Variants in NAT1 observed in about 807,000 individuals in gnomAD.
The protein encoded by NAT1 is arylamine N-acetyltransferase 1.
For missense variants in NAT1, 400 were observed against 339.2 expected (o/e 1.18, Z -1.41); for synonymous variants, 144 against 122.6 (o/e 1.17, Z -1.16).
intron 2 of NAT1, among the ~76,000 whole-genome samples, chr8:18,186,945 T>C (rs1802761885): frequency 6.6e-6 from 1 of 152,110 alleles, no homozygotes; most frequent in Non-Finnish European, 1.5e-5. Context: ...AAGGGGCCCC[T>C]GGCTAGAGGT....
intron 2 of NAT1, among the ~76,000 whole-genome samples, chr8:18,170,973 G>C (rs905505850): frequency 6.6e-6 from 1 of 152,028 alleles, no homozygotes; most frequent in Non-Finnish European, 1.5e-5. Flanking sequence ...TTAAGTTAGA[G>C]TCTGAACAGG....
At chr8:18,198,742 ATCAC>A (rs1803339945) in intron 2 of NAT1, among the ~76,000 whole-genome samples, 1 of 152,192 alleles carries the variant, frequency 6.6e-6, no homozygotes, top group Non-Finnish European at 1.5e-5. Context: ...TAGCATATCC[ATCAC>A]CTCACATGGT....
At chr8:18,197,285 C>G (rs531427757) in intron 2 of NAT1, among the ~76,000 whole-genome samples, 3 of 152,042 alleles carry the variant, frequency 2.0e-5, no homozygotes, top group African/African-American at 7.3e-5. Flanking sequence ...TTTTGTGACA[C>G]AGATTTTTTT....
At chr8:18,178,707 G>A (rs1802387481) in intron 2 of NAT1, among the ~76,000 whole-genome samples, 1 of 152,116 alleles carries the variant, frequency 6.6e-6, no homozygotes, top group Admixed American at 6.6e-5. Context: ...ATATTCCTTT[G>A]AGAGAGGAAG....
intron 1 of NAT1, among the ~76,000 whole-genome samples, chr8:18,217,342 A>G (rs905473585): frequency 2.6e-5 from 4 of 152,206 alleles, no homozygotes; most frequent in African/African-American, 9.6e-5. Flanking sequence ...TATGCCCCAA[A>G]TACTTAACTT....
chr8:18,175,953 T>C (rs10094013), intron 2 of NAT1, among the ~76,000 whole-genome samples: 54,913 of 151,982 alleles, frequency 0.36, 10,304 homozygotes, highest in South Asian at 0.57. Flanking sequence ...ATTTCCCTGA[T>C]GATTAAAGAT....
intron 2 of NAT1, among the ~76,000 whole-genome samples, chr8:18,187,439 A>C (rs1802785494): frequency 6.6e-6 from 1 of 152,222 alleles, no homozygotes; most frequent in Non-Finnish European, 1.5e-5. Flanking sequence ...AAAGACATGG[A>C]ATTAACCTAA....
chr8:18,172,872 G>A (rs573056716), intron 2 of NAT1, among the ~76,000 whole-genome samples: 1 of 152,180 alleles, frequency 6.6e-6, no homozygotes, highest in African/African-American at 2.4e-5. Flanking sequence ...GATGCTTCAA[G>A]GTCACCTGCC....
Position 18,222,466 on chromosome 8 carries a change from G to C in NAT1, c.419G>C (p.Gly140Ala). The change falls in exon 3 of 3, where the codon GGG becomes GCG. Residue 140 changes from glycine (G) to alanine (A), a missense_variant. By Grantham distance (60) the Gly-to-Ala change is moderately conservative (BLOSUM62 0). Transcript: ENST00000307719. The part of the protein sequence containing the change: ...QMWQPLELIS[G>A]KDQPQVPCVF... ...TGGCAGCCTCTGGAGTTAATTTCTG[G>C]GAAGGATCAGCCTCAGGTGCCTTGT... 6.2e-7 allele frequency: 1 copy of C among 1,614,016 alleles called. No individual in the cohort carries two copies. The highest frequency in any genetic ancestry group is 8.5e-7 in the Non-Finnish European group (1 of 1,180,002).
chr8:18,201,153 C>A (rs1803445614), intron 2 of NAT1: 1 of 152,018 alleles, frequency 6.6e-6, no homozygotes, highest in Non-Finnish European at 1.5e-5. Context: ...AATTATTATT[C>A]CTGCTAGAGA....
chr8:18,195,173 C>T (rs1418404492), intron 2 of NAT1, among the ~76,000 whole-genome samples: 2 of 152,206 alleles, frequency 1.3e-5, no homozygotes, highest in Non-Finnish European at 2.9e-5. Flanking sequence ...CACATGGCTT[C>T]AAATCATGCT....
intron 2 of NAT1, among the ~76,000 whole-genome samples, chr8:18,202,996 C>T (rs1803542119): frequency 1.3e-5 from 2 of 152,102 alleles, no homozygotes. Flanking sequence ...GTTTACAATC[C>T]TTTAGCTAGA....
At position 18,193,631 on chromosome 8, in the gene NAT1, C is replaced by CTTTTT. The variant is rs796247875; in HGVS notation, n.93-16131_93-16127dup. Among the ~76,000 whole-genome samples the CTTTTT allele has an allele frequency of 1.1e-3, 62 of 57,562 alleles. 2 individuals carry two copies. Among genetic ancestry groups the CTTTTT allele is most frequent in the African/African-American group, 1.3e-3 (18 of 13,782 alleles). The allele number at this position is 57,562 out of a possible 152,430, so 37.8% of individuals were successfully genotyped here. On this transcript the variant is annotated intron_variant and non_coding_transcript_variant, in intron 2 of 4. Coordinates refer to the NAT1 transcript ENST00000517441. ...TGTAATAATGCTACCTGTAAACCTG[C>CTTTTT]TTTTTTTTTTTTTTTTTTTTTTTCG...
rs1401047209 is a variant in NAT1 at position 18,222,501 on chromosome 8, T to C, written c.454T>C (p.Leu152=). The part of the protein sequence containing the change: ...DQPQVPCVFR[L]TEENGFWYLD... ...GCCTCAGGTGCCTTGTGTCTTCCGT[T>C]TGACGGAAGAGAATGGATTCTGGTA... The change falls in exon 3 of 3, where the codon TTG becomes CTG. Residue 152 remains leucine (L), a synonymous_variant. Transcript: ENST00000307719. The C allele has an allele frequency of 6.2e-6, 10 of 1,614,114 alleles. No individual in the cohort carries two copies. Among genetic ancestry groups the C allele is most frequent in the Non-Finnish European group, 5.9e-6 (7 of 1,180,008 alleles).
At chr8:18,184,014 C>T (rs1050962651) in intron 2 of NAT1, among the ~76,000 whole-genome samples, 1 of 152,100 alleles carries the variant, frequency 6.6e-6, no homozygotes, top group Non-Finnish European at 1.5e-5. Flanking sequence ...ATACTAGTGG[C>T]TCTATGCTTT....
At chr8:18,205,427 C>G (rs1312196175), upstream of NAT1, among the ~76,000 whole-genome samples, 1 of 152,104 alleles carries the variant, frequency 6.6e-6, no homozygotes, top group Non-Finnish European at 1.5e-5. Context: ...TTGTTCGGGG[C>G]AGGTGAGGAT....
upstream of NAT1, among the ~76,000 whole-genome samples, chr8:18,205,526 C>G (rs1803674477): frequency 6.6e-6 from 1 of 152,144 alleles, no homozygotes; most frequent in East Asian, 1.9e-4. Flanking sequence ...TGGCTCTGTG[C>G]CTGCCAAGTC....
At chr8:18,219,197 G>A (rs1223248561) in intron 1 of NAT1, among the ~76,000 whole-genome samples, 3 of 152,080 alleles carry the variant, frequency 2.0e-5, no homozygotes, top group Non-Finnish European at 4.4e-5. Context: ...AGGTTTTTAA[G>A]CCAGAAGGCT....
At chr8:18,181,880 C>T (rs1802536967) in intron 2 of NAT1, among the ~76,000 whole-genome samples, 1 of 152,172 alleles carries the variant, frequency 6.6e-6, no homozygotes, top group African/African-American at 2.4e-5. Context: ...GTGGATTCTC[C>T]TCTGTCCCAG....
Sources: gnomAD v4.1 joint callset for allele counts (sites outside exome capture counted in the v4.1 genomes callset) on GRCh38, gnomAD v4.1.1 for gene constraint, MANE v1.5 for transcripts, NCBI Gene and HGNC (gene_info 2026-07-23, HGNC 2026-07-21) for gene names.